Variants in ZNG1E observed in about 807,000 individuals in gnomAD.
ZNG1E encodes the protein Zn regulated GTPase metalloprotein activator 1E.
chr9:65,715,348 C>T, the ZNG1E span, among the ~76,000 whole-genome samples: 8 of 150,920 alleles, frequency 5.3e-5, no homozygotes, highest in African/African-American at 1.5e-4. Flanking sequence ...ATGGAGAAAT[C>T]GCCTGTCTTC....
At chr9:65,658,047 C>T in the ZNG1E span, among the ~76,000 whole-genome samples, 15 of 151,320 alleles carry the variant, frequency 9.9e-5, no homozygotes, top group East Asian at 5.8e-4. Flanking sequence ...TGCAGTGAGC[C>T]GAGACCGCAC....
chr9:65,659,448 T>G, the ZNG1E span, among the ~76,000 whole-genome samples: 1 of 145,768 alleles, frequency 6.9e-6, no homozygotes, highest in Admixed American at 7.1e-5. Flanking sequence ...TGAGCCGAGA[T>G]CATGCCACTG....
the ZNG1E span, among the ~76,000 whole-genome samples, chr9:65,717,985 CCTTTT>C: frequency 6.9e-6 from 1 of 144,430 alleles, no homozygotes; most frequent in Non-Finnish European, 1.5e-5. Flanking sequence ...CCACACTTGG[CCTTTT>C]CTTTTTTTTA....
the ZNG1E span, among the ~76,000 whole-genome samples, chr9:65,722,681 C>T: frequency 3.0e-5 from 2 of 67,634 alleles, no homozygotes; most frequent in African/African-American, 5.8e-5. Context: ...CAGGCATGTA[C>T]CACCATGCCT....
At chr9:65,714,073 C>CTAA in the ZNG1E span, among the ~76,000 whole-genome samples, 1 of 149,452 alleles carries the variant, frequency 6.7e-6, no homozygotes, top group South Asian at 2.1e-4. Context: ...TCTTTTTTCT[C>CTAA]TAAACTTCCC....
chr9:65,657,833 G>A, the ZNG1E span, among the ~76,000 whole-genome samples: 1 of 152,288 alleles, frequency 6.6e-6, no homozygotes, highest in Non-Finnish European at 1.5e-5. Flanking sequence ...CGGGCACATG[G>A]CTCATGCCTG....
chr9:65,715,406 C>T, the ZNG1E span, among the ~76,000 whole-genome samples: 1 of 150,710 alleles, frequency 6.6e-6, no homozygotes, highest in African/African-American at 2.5e-5. Context: ...TCCTATTCGG[C>T]CATCTTGGCT....
the ZNG1E span, among the ~76,000 whole-genome samples, chr9:65,678,004 C>CAA: frequency 1.1e-3 from 159 of 150,358 alleles, no homozygotes; most frequent in Non-Finnish European, 1.5e-3. Flanking sequence ...TCTATGAAGG[C>CAA]AGAGACTATC....
chr9:65,664,156 A>C, the ZNG1E span, among the ~76,000 whole-genome samples: 5 of 152,116 alleles, frequency 3.3e-5, no homozygotes, highest in Admixed American at 6.6e-5. Flanking sequence ...ACATATTTAC[A>C]TATGTAATAC....
At chr9:65,662,231 A>T in the ZNG1E span, among the ~76,000 whole-genome samples, 2 of 152,348 alleles carry the variant, frequency 1.3e-5, no homozygotes, top group East Asian at 3.9e-4. Flanking sequence ...AACATTCTAC[A>T]AAACAACTGA....
the ZNG1E span, among the ~76,000 whole-genome samples, chr9:65,681,088 A>C: frequency 6.6e-6 from 1 of 151,176 alleles, no homozygotes; most frequent in South Asian, 2.1e-4. Flanking sequence ...TACACTGGCC[A>C]AAAACCTTCC....
At chr9:65,670,077 ACT>A in the ZNG1E span, among the ~76,000 whole-genome samples, 2 of 126,908 alleles carry the variant, frequency 1.6e-5, no homozygotes, top group South Asian at 5.7e-4. Flanking sequence ...TAATTTTGAA[ACT>A]CTCAGTTTCC....
chr9:65,661,961 A>G, the ZNG1E span, among the ~76,000 whole-genome samples: 1 of 152,272 alleles, frequency 6.6e-6, no homozygotes. Context: ...GGGCTAGAGT[A>G]TGATGAAAAC....
the ZNG1E span, among the ~76,000 whole-genome samples, chr9:65,713,979 A>C: frequency 6.6e-6 from 1 of 151,122 alleles, no homozygotes; most frequent in African/African-American, 2.4e-5. Context: ...TCTCCCCGTC[A>C]CTTTCAGGTA....
chr9:65,704,510 T>C, the ZNG1E span: 1 of 628,126 alleles, frequency 1.6e-6, no homozygotes, highest in Non-Finnish European at 1.8e-6. Flanking sequence ...TCCGTTTCAA[T>C]GAAGATCAGA....
At chr9:65,716,519 T>C in the ZNG1E span, among the ~76,000 whole-genome samples, 1 of 147,066 alleles carries the variant, frequency 6.8e-6, no homozygotes, top group African/African-American at 2.5e-5. Context: ...TACTTTCAAC[T>C]AGTTTTTTTT....
the ZNG1E span, among the ~76,000 whole-genome samples, chr9:65,689,434 C>T: frequency 8.1e-6 from 1 of 123,976 alleles, no homozygotes; most frequent in African/African-American, 3.3e-5. Context: ...TCAGACATTG[C>T]CAAATATTCC....
chr9:65,658,635 G>A, the ZNG1E span, among the ~76,000 whole-genome samples: 33 of 150,144 alleles, frequency 2.2e-4, no homozygotes, highest in African/African-American at 8.0e-4. Context: ...TTATTTGTGC[G>A]ATTTTAAAAT....
the ZNG1E span, among the ~76,000 whole-genome samples, chr9:65,715,178 C>T: frequency 6.7e-6 from 1 of 148,212 alleles, no homozygotes; most frequent in Non-Finnish European, 1.5e-5. Context: ...CCGTCTGTCA[C>T]CCCTTTCTTT....
Sources: gnomAD v4.1 joint callset for allele counts (sites outside exome capture counted in the v4.1 genomes callset) on GRCh38, gnomAD v4.1.1 for gene constraint, MANE v1.5 for transcripts, NCBI Gene and HGNC (gene_info 2026-07-23, HGNC 2026-07-21) for gene names.